IRAK1BP1: variants seen among roughly 807,000 people sequenced by gnomAD.
IRAK1BP1 encodes the protein interleukin-1 receptor-associated kinase 1-binding protein 1.
A neutral mutation model predicts 28.0 loss-of-function variants in IRAK1BP1; 24 were observed. That is an observed-to-expected ratio of 0.86 (90% CI 0.62 to 1.20). IRAK1BP1 has a LOEUF of 1.20. Ranked by LOEUF, IRAK1BP1 falls within the 50% of genes most tolerant of loss-of-function variation. IRAK1BP1 has a pLI of 0.00. For missense variants in IRAK1BP1, 336 were observed against 316.7 expected, an observed-to-expected ratio of 1.06 and a Z score of -0.46; for synonymous variants, 131 against 116.3, an observed-to-expected ratio of 1.13 and a Z score of -0.81.
the IRAK1BP1 span, chr6:78,970,971 G>GA: frequency 7.7e-3 from 6,782 of 880,102 alleles, 265 homozygotes; most frequent in South Asian, 0.077. Flanking sequence ...ATTGCAAAGA[G>GA]AAAATCTAAT....
At chr6:78,940,650 G>A (rs747260685) in intron 4 of IRAK1BP1, 1 of 1,181,402 alleles carries the variant, frequency 8.5e-7, no homozygotes, top group South Asian at 1.3e-5. Flanking sequence ...TTCCTTAACT[G>A]TACCTGCTTT....
intron 4 of IRAK1BP1, among the ~76,000 whole-genome samples, chr6:78,908,279 C>A (rs1772312331): frequency 6.6e-6 from 1 of 151,992 alleles, no homozygotes; most frequent in Non-Finnish European, 1.5e-5. Context: ...TCTTGAACTC[C>A]TAACCTCGTG....
chr6:78,936,385 T>C (rs1773272216), intron 4 of IRAK1BP1: 1 of 151,942 alleles, frequency 6.6e-6, no homozygotes, highest in South Asian at 2.1e-4. Flanking sequence ...TCTTGCAGTT[T>C]TAATATGGTC....
the IRAK1BP1 span, among the ~76,000 whole-genome samples, chr6:78,978,981 C>G: frequency 6.6e-6 from 1 of 151,972 alleles, no homozygotes; most frequent in Admixed American, 6.6e-5. Flanking sequence ...TGAATCCACA[C>G]AAATAAAATG....
chr6:78,934,834 C>T (rs367822776), intron 4 of IRAK1BP1, among the ~76,000 whole-genome samples: 1 of 152,194 alleles, frequency 6.6e-6, no homozygotes, highest in African/African-American at 2.4e-5. Context: ...ATTCCCATTT[C>T]CCAACTCCAG....
the IRAK1BP1 span, among the ~76,000 whole-genome samples, chr6:78,964,872 A>C: frequency 1.3e-5 from 2 of 152,240 alleles, no homozygotes; most frequent in Admixed American, 1.3e-4. Context: ...CTACTCTATA[A>C]ATAATCATTA....
chr6:78,920,856 A>G (rs777967886), intron 4 of IRAK1BP1, among the ~76,000 whole-genome samples: 35 of 152,260 alleles, frequency 2.3e-4, no homozygotes, highest in Non-Finnish European at 4.7e-4. Flanking sequence ...AACAACCTAC[A>G]GAATGGGAGA....
the IRAK1BP1 span, chr6:78,970,294 T>C: frequency 5.3e-6 from 4 of 748,928 alleles, no homozygotes; most frequent in African/African-American, 5.3e-5. Context: ...GATGACTGTG[T>C]ACATGTAAAA....
chr6:78,904,390 G>A (rs1021203413), downstream of IRAK1BP1, among the ~76,000 whole-genome samples: 2 of 152,146 alleles, frequency 1.3e-5, no homozygotes, highest in African/African-American at 4.8e-5. Context: ...TTCCTCACCA[G>A]CAGGCCATAA....
intron 1 of IRAK1BP1, among the ~76,000 whole-genome samples, chr6:78,868,315 C>G (rs1770663382): frequency 6.7e-6 from 1 of 149,444 alleles, no homozygotes; most frequent in South Asian, 2.1e-4. Context: ...AAGAGCACGA[C>G]CTGCTTCCTT....
At chr6:78,938,820 T>C (rs527567977) in intron 4 of IRAK1BP1, 26 of 151,840 alleles carry the variant, frequency 1.7e-4, no homozygotes, top group African/African-American at 6.0e-4. Context: ...TGTACAAATT[T>C]AGTTACAAAT....
At chr6:78,931,812 G>C (rs1773052724) in intron 4 of IRAK1BP1, among the ~76,000 whole-genome samples, 1 of 152,138 alleles carries the variant, frequency 6.6e-6, no homozygotes, top group Admixed American at 6.5e-5. Context: ...GGTTGGGGTG[G>C]CTGTGTCAAT....
the IRAK1BP1 span, chr6:78,958,718 T>C: frequency 5.4e-5 from 37 of 682,546 alleles, no homozygotes; most frequent in South Asian, 2.1e-4. Context: ...GTAAAAACCA[T>C]TGGTCTTATA....
chr6:78,902,940 A>T lies in IRAK1BP1; in HGVS notation c.*4606A>T, dbSNP rs1397744032. ...CAAGAAGGATTGTTTTCTACTATTA[A>T]AACAATAAAACTCTTATAAACCTGT... On this transcript the variant is annotated 3_prime_UTR_variant, in exon 4 of 4. Transcript: ENST00000369940. The T allele has an allele frequency of 4.3e-6, 4 of 933,844 alleles. No homozygotes were observed. Among genetic ancestry groups the T allele is most frequent in the Non-Finnish European group, 6.5e-6 (4 of 613,664 alleles). The allele number at this position is 933,844 out of a possible 1,614,324, so 57.8% of individuals were successfully genotyped here. A position where few individuals can be genotyped will look rare whatever the true frequency, so the allele number is the denominator to read the frequency against.
chr6:78,907,443 C>A (rs1249108449), downstream of IRAK1BP1, among the ~76,000 whole-genome samples: 3 of 152,032 alleles, frequency 2.0e-5, no homozygotes, highest in South Asian at 4.1e-4. Context: ...AAAAGCCCAC[C>A]TGGTATTTGT....
intron 2 of IRAK1BP1, among the ~76,000 whole-genome samples, chr6:78,895,876 A>G (rs72901194): frequency 0.069 from 10,494 of 152,300 alleles, 451 homozygotes; most frequent in Non-Finnish European, 0.09. Context: ...GTACTTGAAA[A>G]AGAATAAAAG....
At chr6:78,905,052 A>G (rs1772227834), downstream of IRAK1BP1, among the ~76,000 whole-genome samples, 1 of 152,210 alleles carries the variant, frequency 6.6e-6, no homozygotes, top group Non-Finnish European at 1.5e-5. Flanking sequence ...GAATGACTGT[A>G]TTGGTTTCAT....
At chr6:78,908,903 G>C (rs1772333993) in intron 4 of IRAK1BP1, among the ~76,000 whole-genome samples, 2 of 152,160 alleles carry the variant, frequency 1.3e-5, no homozygotes, top group Admixed American at 6.5e-5. Flanking sequence ...GAAGGAGATA[G>C]ATAGGATCAA....
At chr6:78,964,388 G>A in the IRAK1BP1 span, among the ~76,000 whole-genome samples, 1 of 152,076 alleles carries the variant, frequency 6.6e-6, no homozygotes, top group Non-Finnish European at 1.5e-5. Flanking sequence ...AATAACTACT[G>A]AGCAACTCAA....
Sources: gnomAD v4.1 joint callset for allele counts (sites outside exome capture counted in the v4.1 genomes callset) on GRCh38, gnomAD v4.1.1 for gene constraint, MANE v1.5 for transcripts, NCBI Gene and HGNC (gene_info 2026-07-23, HGNC 2026-07-21) for gene names.